INTS9: variants seen among roughly 807,000 people sequenced by gnomAD.
The protein encoded by INTS9 is protein related to CPSF subunits of 74 kDa.
A neutral mutation model predicts 79.7 loss-of-function variants in INTS9; 55 were observed. The ratio of observed to expected loss-of-function variants is 0.69; its 90% confidence interval spans 0.56 to 0.86. The LOEUF is 0.86. Ranked by LOEUF, INTS9 falls within the 40% of genes least tolerant of loss-of-function variation. INTS9 has a pLI of 0.00. For synonymous variants in INTS9, 319 were observed against 325.2 expected (o/e 0.98, Z 0.20); for missense variants, 721 against 831.5 (o/e 0.87, Z 1.64).
chr8:28,771,396 C>T (rs146705735), intron 14 of INTS9, among the ~76,000 whole-genome samples: 14 of 152,214 alleles, frequency 9.2e-5, no homozygotes, highest in East Asian at 3.9e-4. Flanking sequence ...GTGGGAGCCA[C>T]GGCTTTACCT....
At chr8:28,786,183 T>A (rs1803576745) in intron 11 of INTS9, among the ~76,000 whole-genome samples, 1 of 152,258 alleles carries the variant, frequency 6.6e-6, no homozygotes, top group Non-Finnish European at 1.5e-5. Context: ...GGAGCTTATT[T>A]GTTCACAGTG....
At chr8:28,792,122 T>C (rs1259501973) in intron 10 of INTS9, among the ~76,000 whole-genome samples, 1 of 152,182 alleles carries the variant, frequency 6.6e-6, no homozygotes, top group Non-Finnish European at 1.5e-5. Flanking sequence ...AATGGATCAC[T>C]CAATCAGGAT....
At position 28,787,907 on chromosome 8, in the gene INTS9, C is replaced by T. The variant is rs1278824621; in HGVS notation, c.1038-18G>A. On this transcript the variant is annotated intron_variant, in intron 10 of 16. Transcript: ENST00000521022. ...GACAAAGCCTATTAAAGAGGAAAAACACATCAGCATGTGAGGAAGAGCATA... is the reference window on the plus strand; with the variant it reads ...GACAAAGCCTATTAAAGAGGAAAAATACATCAGCATGTGAGGAAGAGCATA... The T allele has an allele frequency of 6.3e-7, 1 of 1,577,890 alleles. No individual in the cohort carries two copies. Among genetic ancestry groups the T allele is most frequent in the South Asian group, 1.1e-5 (1 of 88,580 alleles).
At chr8:28,789,999 CCAAA>C (rs1342660985) in intron 10 of INTS9, among the ~76,000 whole-genome samples, 2 of 152,168 alleles carry the variant, frequency 1.3e-5, no homozygotes. Flanking sequence ...CAAAACCAAC[CCAAA>C]CAACCAAGCC....
intron 6 of INTS9, among the ~76,000 whole-genome samples, chr8:28,832,072 G>C (rs1288965102): frequency 1.3e-5 from 2 of 152,066 alleles, no homozygotes; most frequent in African/African-American, 4.8e-5. Flanking sequence ...CACTATAAAG[G>C]GTTTACATTT....
At chr8:28,861,244 T>C (rs1047030029) in intron 1 of INTS9, among the ~76,000 whole-genome samples, 1 of 152,200 alleles carries the variant, frequency 6.6e-6, no homozygotes, top group Non-Finnish European at 1.5e-5. Context: ...AATTTTTTCC[T>C]CCTAATTAAG....
chr8:28,877,245 T>C (rs1809444128), intron 1 of INTS9, among the ~76,000 whole-genome samples: 1 of 152,106 alleles, frequency 6.6e-6, no homozygotes, highest in Admixed American at 6.5e-5. Context: ...AGTTTACTAC[T>C]GGAATATTAA....
chr8:28,852,781 A>G (rs539546280), intron 2 of INTS9, among the ~76,000 whole-genome samples: 1 of 152,260 alleles, frequency 6.6e-6, no homozygotes, highest in African/African-American at 2.4e-5. Flanking sequence ...CCTGGAAAAC[A>G]TTCTTTAATA....
chr8:28,850,256 A>C lies in INTS9; in HGVS notation c.155T>G (p.Leu52Arg). The C allele has an allele frequency of 6.2e-7, 1 of 1,613,766 alleles. No individual in the cohort carries two copies. Among genetic ancestry groups the C allele is most frequent in the East Asian group, 2.2e-5 (1 of 44,872 alleles). Residue 52 changes from leucine (L) to arginine (R), a missense_variant, in exon 3 of 17, where the codon CTT (leucine) becomes CGT (arginine). Coordinates refer to ENST00000521022, the MANE Select transcript of INTS9 (RefSeq NM_018250.4). ...TCCATCCTTCAGGGACCAGCCAGGAAGATTGGACAGCCTGGGACTGCAAAA... is the reference window on the plus strand; with the variant it reads ...TCCATCCTTCAGGGACCAGCCAGGACGATTGGACAGCCTGGGACTGCAAAA... ...PLVQSPRLSNLPGWSLKDGNA... is the reference protein window; with the variant it reads ...PLVQSPRLSNRPGWSLKDGNA...
intron 1 of INTS9, chr8:28,862,034 G>A (rs562901990): frequency 1.0e-6 from 1 of 977,258 alleles, no homozygotes; most frequent in African/African-American, 1.7e-5. Context: ...AAACTGCACT[G>A]CTCACCGTGG....
At chr8:28,779,306 G>A (rs1311823583) in intron 12 of INTS9, among the ~76,000 whole-genome samples, 2 of 152,186 alleles carry the variant, frequency 1.3e-5, no homozygotes, top group East Asian at 3.9e-4. Context: ...GAAGAGGAAA[G>A]CAGTCCTGGT....
Position 28,808,181 on chromosome 8 carries a change from C to T in INTS9, c.744+4146G>A, listed in dbSNP as rs1168682664. 2.1e-5 allele frequency among the ~76,000 whole-genome samples: 3 copies of T among 143,968 alleles called. No individual in the cohort carries two copies. In the South Asian group the frequency reaches 6.5e-4, roughly 31 times the overall value. The allele number at this position is 143,968 out of a possible 152,430, so 94.4% of individuals were successfully genotyped here. ...CTATGGATCAGTCTTTGGCCCTCAG[C>T]CCTTTATTTAGATTTTTTTTTTTTT... is the stretch of plus-strand genomic sequence containing the variant. On this transcript the variant is annotated intron_variant, in intron 8 of 16. Coordinates refer to ENST00000521022, the MANE Select transcript of INTS9 (RefSeq NM_018250.4).
chr8:28,775,462 A>G (rs112633157), intron 14 of INTS9, among the ~76,000 whole-genome samples: 3,702 of 152,100 alleles, frequency 0.024, 135 homozygotes, highest in African/African-American at 0.083. Flanking sequence ...CAGCCTCACG[A>G]GTAGCTGGGA....
chr8:28,773,554 C>CT (rs530215220), intron 14 of INTS9, among the ~76,000 whole-genome samples: 8,957 of 142,208 alleles, frequency 0.063, 877 homozygotes, highest in African/African-American at 0.21. Flanking sequence ...TTTGAAATAT[C>CT]TTTTTTTTTT....
chr8:28,873,212 T>C (rs1200832456), intron 1 of INTS9, among the ~76,000 whole-genome samples: 1 of 152,200 alleles, frequency 6.6e-6, no homozygotes, highest in Non-Finnish European at 1.5e-5. Flanking sequence ...TACCACTGAA[T>C]CTCAGCAGCC....
intron 11 of INTS9, among the ~76,000 whole-genome samples, chr8:28,783,384 G>A (rs1803413702): frequency 6.6e-6 from 1 of 152,172 alleles, no homozygotes; most frequent in African/African-American, 2.4e-5. Flanking sequence ...CCAGAGGCTA[G>A]ACACCCAGAC....
At chr8:28,770,642 G>A (rs1802474615) in intron 15 of INTS9, among the ~76,000 whole-genome samples, 1 of 152,240 alleles carries the variant, frequency 6.6e-6, no homozygotes, top group Non-Finnish European at 1.5e-5. Context: ...ACCCACCTGT[G>A]TGTGGGTCAT....
At chr8:28,790,357 G>A (rs957176497) in intron 10 of INTS9, among the ~76,000 whole-genome samples, 2 of 152,206 alleles carry the variant, frequency 1.3e-5, no homozygotes, top group African/African-American at 4.8e-5. Flanking sequence ...GAAAAAGGGT[G>A]CCTTACAGCA....
intron 1 of INTS9, among the ~76,000 whole-genome samples, chr8:28,884,152 T>A (rs1407455880): frequency 7.2e-6 from 1 of 139,136 alleles, no homozygotes; most frequent in African/African-American, 2.6e-5. Context: ...CTACCAAAAG[T>A]CTGTCATCAG....
Sources: gnomAD v4.1 joint callset for allele counts (sites outside exome capture counted in the v4.1 genomes callset) on GRCh38, gnomAD v4.1.1 for gene constraint, MANE v1.5 for transcripts, NCBI Gene and HGNC (gene_info 2026-07-23, HGNC 2026-07-21) for gene names.